Variants in HNRNPM observed in about 807,000 individuals in gnomAD.
HNRNPM encodes heterogeneous nuclear ribonucleoprotein M.
Under a neutral mutation model 73.1 loss-of-function variants are expected in HNRNPM, and 11 were observed. The observed-to-expected ratio is 0.15, with a 90% confidence interval of 0.09 to 0.25. HNRNPM has a LOEUF of 0.25. Ranked by LOEUF, HNRNPM falls within the 10% of genes least tolerant of loss-of-function variation. The pLI, the probability that HNRNPM is intolerant of heterozygous loss-of-function variation, is 1.00. For missense variants in HNRNPM, 789 were observed against 1,067.9 expected, an observed-to-expected ratio of 0.74 and a Z score of 3.64; for synonymous variants, 407 against 355.2, an observed-to-expected ratio of 1.15 and a Z score of -1.64.
intron 2 of HNRNPM, among the ~76,000 whole-genome samples, chr19:8,455,999 AT>A (rs1968996457): frequency 6.7e-6 from 1 of 148,566 alleles, no homozygotes; most frequent in Non-Finnish European, 1.5e-5. Flanking sequence ...CTTGTTTAAA[AT>A]TTTGTGGATG....
At chr19:8,486,964 A>G (rs973077048) in intron 14 of HNRNPM, 60 bp from the exon 15 acceptor site, 10 of 1,338,902 alleles carry the variant, frequency 7.5e-6, no homozygotes, top group Non-Finnish European at 9.7e-6. Flanking sequence ...GCCAGCTGCA[A>G]GGCATGCCTT....
intron 5 of HNRNPM, among the ~76,000 whole-genome samples, chr19:8,465,053 C>T (rs986757227): frequency 6.6e-6 from 1 of 152,152 alleles, no homozygotes; most frequent in Admixed American, 6.5e-5. Context: ...AATCATGTTT[C>T]CCTCCCTACC....
intron 1 of HNRNPM, among the ~76,000 whole-genome samples, chr19:8,446,990 T>TGCAGGAAGGAGTGCTGGTAG (rs1968235461): frequency 6.6e-6 from 1 of 152,228 alleles, no homozygotes; most frequent in Non-Finnish European, 1.5e-5. Context: ...ATTTACCGTA[T>TGCAGGAAGGAGTGCTGGTAG]GCAGGAAGGA....
chr19:8,464,031 A>T (rs1030044455), intron 5 of HNRNPM, among the ~76,000 whole-genome samples: 1 of 151,846 alleles, frequency 6.6e-6, no homozygotes, highest in Non-Finnish European at 1.5e-5. Flanking sequence ...TTCTTTTTTT[A>T]AAAAGTGAGT....
At chr19:8,488,658 T>G (rs746661797) in intron 15 of HNRNPM, 33 bp from the exon 16 acceptor site, 1 of 1,589,288 alleles carries the variant, frequency 6.3e-7, no homozygotes, top group Non-Finnish European at 8.6e-7. Flanking sequence ...AAATCGGGAC[T>G]GAGTGTCGTC....
At chr19:8,454,765 A>T (rs1968885267) in intron 1 of HNRNPM, among the ~76,000 whole-genome samples, 1 of 136,780 alleles carries the variant, frequency 7.3e-6, no homozygotes, top group Non-Finnish European at 1.5e-5. Context: ...TCATATTTCC[A>T]TTCTATGAAG....
At chr19:8,475,901 CTCTCTT>C (rs1332389715) in intron 12 of HNRNPM, among the ~76,000 whole-genome samples, 1 of 108,646 alleles carries the variant, frequency 9.2e-6, no homozygotes, top group Non-Finnish European at 1.9e-5. Flanking sequence ...AACCCCATCT[CTCTCTT>C]TTTTTTTTTT....
intron 12 of HNRNPM, among the ~76,000 whole-genome samples, chr19:8,477,279 C>T (rs2145721923): frequency 6.6e-6 from 1 of 152,224 alleles, no homozygotes; most frequent in African/African-American, 2.4e-5. Context: ...AAGAAGTGGC[C>T]AGCAGTAGGA....
chr19:8,446,424 C>CT (rs1223013917), intron 1 of HNRNPM, among the ~76,000 whole-genome samples: 3 of 152,098 alleles, frequency 2.0e-5, no homozygotes, highest in Admixed American at 2.0e-4. Flanking sequence ...TAATTTTTTT[C>CT]TTTGAGACAG....
intron 12 of HNRNPM, among the ~76,000 whole-genome samples, chr19:8,479,096 T>TTTTTTTTTTTTTTTTTTTTC (rs1970722303): frequency 7.9e-6 from 1 of 126,866 alleles, no homozygotes; most frequent in South Asian, 2.6e-4. Context: ...TTTTTTTTTT[T>TTTTTTTTTTTTTTTTTTTTC]TTTTTTCAAG....
At chr19:8,447,633 C>T (rs1313204057) in intron 1 of HNRNPM, among the ~76,000 whole-genome samples, 3 of 152,026 alleles carry the variant, frequency 2.0e-5, no homozygotes, top group African/African-American at 7.2e-5. Flanking sequence ...ACCTGTAATC[C>T]CAGCACTTTG....
chr19:8,479,772 ATTT>A (rs869126042), intron 12 of HNRNPM, among the ~76,000 whole-genome samples: 4 of 41,638 alleles, frequency 9.6e-5, no homozygotes, highest in East Asian at 2.0e-3. Context: ...AAAAAAAAAA[ATTT>A]TTTTTTTTTT....
At chr19:8,485,566 T>C (rs1215742663) in intron 13 of HNRNPM, 37 bp from the exon 14 acceptor site, 1 of 1,576,406 alleles carries the variant, frequency 6.3e-7, no homozygotes, top group Non-Finnish European at 8.6e-7. Context: ...ACACTCAAGT[T>C]CTTGACACCC....
Position 8,488,885 on chromosome 19 carries a change from A to G in HNRNPM, c.*31A>G, listed in dbSNP as rs780834489. 7 of 1,549,982 alleles carry G rather than the reference A, an allele frequency of 4.5e-6. No individual in the cohort carries two copies. The highest frequency in any genetic ancestry group is 6.2e-6 in the Non-Finnish European group (7 of 1,137,568). ...TGCCTTTTTTAAACATCGATACGAG[A>G]CCTCTGAATTTGTATTTTTTCTTGT... On this transcript the variant is annotated 3_prime_UTR_variant, in exon 16 of 16. Transcript: ENST00000325495.
intron 7 of HNRNPM, among the ~76,000 whole-genome samples, chr19:8,466,650 C>T (rs1411121524): frequency 6.6e-6 from 1 of 151,852 alleles, no homozygotes; most frequent in East Asian, 1.9e-4. Flanking sequence ...CATGGTGAAA[C>T]CCCGGCTCTA....
intron 2 of HNRNPM, among the ~76,000 whole-genome samples, chr19:8,459,338 A>G (rs1248341186): frequency 6.6e-6 from 1 of 152,216 alleles, no homozygotes; most frequent in African/African-American, 2.4e-5. Flanking sequence ...GGAAGCAGTA[A>G]CGTTCTGTTA....
chr19:8,485,451 A>AGCT, intron 13 of HNRNPM, 152 bp from the exon 14 acceptor site: 1 of 783,110 alleles, frequency 1.3e-6, no homozygotes, highest in South Asian at 1.6e-5. Flanking sequence ...ACACAGCTGT[A>AGCT]GCTGTTGTCA....
chr19:8,480,800 T>C (rs1970863726), intron 12 of HNRNPM, among the ~76,000 whole-genome samples: 1 of 152,014 alleles, frequency 6.6e-6, no homozygotes, highest in African/African-American at 2.4e-5. Context: ...CACAGAGAGG[T>C]GGATGTGGGC....
At chr19:8,466,429 T>C (rs1407455353) in intron 7 of HNRNPM, 41 bp downstream of exon 7, 1 of 1,599,408 alleles carries the variant, frequency 6.3e-7, no homozygotes, top group East Asian at 2.2e-5. Context: ...CAGTTTGACC[T>C]AAATTGCTGT....
Sources: allele counts gnomAD v4.1 joint callset (sites outside exome capture counted in the v4.1 genomes callset), GRCh38; gene constraint gnomAD v4.1.1; transcripts MANE v1.5; gene names NCBI Gene and HGNC (gene_info 2026-07-23, HGNC 2026-07-21).